PROCA1: variants seen among roughly 807,000 people sequenced by gnomAD.
PROCA1 encodes the protein protein interacting with cyclin A1.
PROCA1 carries 22 observed loss-of-function variants against 23.2 expected under a neutral mutation model. The ratio of observed to expected loss-of-function variants is 0.95; its 90% confidence interval spans 0.68 to 1.35. The LOEUF (loss-of-function observed/expected upper bound fraction) is 1.35, where lower values mean the gene tolerates loss of function less well. Among genes scored for constraint, PROCA1 ranks in the 40% most tolerant of loss-of-function variants. The probability of loss-of-function intolerance (pLI) is 0.00; values close to 1 mark genes in which losing one functional copy is unlikely to be tolerated. For synonymous variants in PROCA1, 182 were observed against 179.2 expected, an observed-to-expected ratio of 1.02 and a Z score of -0.12; for missense variants, 469 against 459.8, an observed-to-expected ratio of 1.02 and a Z score of -0.18.
chr17:28,706,692 T>C lies in PROCA1; in HGVS notation c.163A>G (p.Thr55Ala), dbSNP rs1486348966. The C allele has an allele frequency of 7.7e-7, 1 of 1,303,440 alleles. No homozygotes were observed. The highest frequency in any genetic ancestry group is 1.2e-5 in the South Asian group (1 of 80,978). 80.7% of individuals were successfully genotyped at this position (1,303,440 alleles called of 1,614,324 possible). ...CTCCTGGACCCACCTTCAGAGAAGG[T>C]AGACACATCAGTGCTGGACGCCACA... ...AGVASSTDVS[T>A]FSEGDCKEPD... Residue 55 changes from threonine to alanine, a missense_variant, in exon 2 of 5, where the codon ACC (threonine) becomes GCC (alanine). By Grantham distance (58) the Thr-to-Ala change is moderately conservative. Transcript: ENST00000682792.
intron 1 of PROCA1, 35 bp downstream of exon 1, chr17:28,711,535 C>G (rs375178892): frequency 6.5e-7 from 1 of 1,547,550 alleles, no homozygotes; most frequent in Admixed American, 1.9e-5. Context: ...AGCCGGGCCG[C>G]GCCCTCTGCC....
At chr17:28,709,356 C>T (rs1004675724) in intron 1 of PROCA1, among the ~76,000 whole-genome samples, 7 of 151,842 alleles carry the variant, frequency 4.6e-5, no homozygotes, top group African/African-American at 1.5e-4. Flanking sequence ...CCCGGGTTCA[C>T]GCCATTCTCC....
Position 28,711,622 on chromosome 17 carries a change from A to G in PROCA1, c.39T>C (p.Thr13=). 4 of 1,611,730 alleles carry G rather than the reference A, an allele frequency of 2.5e-6. No individual in the cohort carries two copies. Among genetic ancestry groups the G allele is most frequent in the East Asian group, 2.2e-5 (1 of 44,514 alleles). The stretch of plus-strand genomic sequence containing the variant: ...GGGCCTTGGGCTCGGTCTTTTCCTT[A>G]GTCCATCTTTCAATTGTGAGCGTCG... ...VRTTLTIERW[T]KEKTEPKARS... Residue 13 remains threonine, a synonymous_variant, in exon 1 of 5, where the codon ACT becomes ACC. Transcript: ENST00000682792.
At chr17:28,711,401 G>C (rs1255874615) in intron 1 of PROCA1, 169 bp downstream of exon 1, 1 of 484,850 alleles carries the variant, frequency 2.1e-6, no homozygotes. Context: ...GCCCGCCCCC[G>C]GCCCTAGCTC....
In PROCA1 at chr17:28,711,680, C is replaced by A. The variant is rs375550528; in HGVS notation, c.-20G>T. 6.8e-6 allele frequency: 11 copies of A among 1,608,632 alleles called. No individual in the cohort carries two copies. The highest frequency in any genetic ancestry group is 9.3e-6 in the Non-Finnish European group (11 of 1,176,914). On this transcript the variant is annotated 5_prime_UTR_variant, in exon 1 of 5. Transcript: ENST00000682792. Reference sequence around the variant, plus strand: ...CCACATCGCTCTCCGCCCAGGTCTTCGTCTCTACAGGACTCTTGCGTGAAG... The same window carrying A: ...CCACATCGCTCTCCGCCCAGGTCTTAGTCTCTACAGGACTCTTGCGTGAAG...
intron 1 of PROCA1, among the ~76,000 whole-genome samples, chr17:28,708,845 A>G (rs893505846): frequency 2.6e-5 from 4 of 151,966 alleles, no homozygotes; most frequent in Non-Finnish European, 2.9e-5. Flanking sequence ...AAAATACAAA[A>G]ATTAGCTGGC....
Position 28,708,464 on chromosome 17 carries a change from T to C in PROCA1, c.92-1701A>G, listed in dbSNP as rs77205869. ...TGTTTTGTTGTATGCCTTAAATTGGTGATTACAAGAGTTCTGACTTGGTCA... is the reference window on the plus strand; with the variant it reads ...TGTTTTGTTGTATGCCTTAAATTGGCGATTACAAGAGTTCTGACTTGGTCA... On this transcript the variant is annotated intron_variant, in intron 1 of 4. Transcript: ENST00000682792. Among the ~76,000 whole-genome samples the C allele has an allele frequency of 8.2e-3, 1,251 of 152,324 alleles. 9 individuals are homozygous for C. The highest frequency in any genetic ancestry group is 0.02 in the Middle Eastern group (6 of 294).
intron 4 of PROCA1, 22 bp from the exon 5 acceptor site, chr17:28,704,234 G>T (rs767264334): frequency 2.6e-6 from 4 of 1,558,400 alleles, no homozygotes; most frequent in Non-Finnish European, 3.5e-6. Flanking sequence ...GACAACGGGG[G>T]AAGTTTGACA....
In PROCA1 at chr17:28,703,358, G is replaced by C; in HGVS notation, c.*200C>G. ...TTGTCCTAGCAGGTAGGAAGAAATA[G>C]GGCTGTGCCCCTTCCTTTCCCTCCC... On this transcript the variant is annotated 3_prime_UTR_variant, in exon 5 of 5. Transcript: ENST00000682792. 3.3e-6 allele frequency: 2 copies of C among 605,666 alleles called. No individual in the cohort carries two copies. Among genetic ancestry groups the C allele is most frequent in the Non-Finnish European group, 5.8e-6 (2 of 345,548 alleles). 37.5% of individuals were successfully genotyped at this position (605,666 alleles called of 1,614,324 possible). A position where few individuals can be genotyped will look rare whatever the true frequency, so the allele number is the denominator to read the frequency against.
In PROCA1 at chr17:28,703,808, C is replaced by A. The variant is rs200021121; in HGVS notation, c.845G>T (p.Arg282Leu). The A allele has an allele frequency of 1.2e-6, 2 of 1,614,050 alleles. No individual in the cohort carries two copies. Among genetic ancestry groups the A allele is most frequent in the African/African-American group, 1.3e-5 (1 of 74,912 alleles). The stretch of plus-strand genomic sequence containing the variant: ...GGCCAGCTGTCTTGCGCTTAATGAT[C>A]GGCTCACGTCTGGCGGGGAAGGCTC... ...KLEPSPPDVS[R>L]SLSARQLARM... Residue 282 changes from arginine (R) to leucine (L), a missense_variant, in exon 5 of 5, where the codon CGA (arginine) becomes CTA (leucine). Transcript: ENST00000682792.
At chr17:28,707,973 TTA>T (rs2032598806) in intron 1 of PROCA1, 1 of 152,348 alleles carries the variant, frequency 6.6e-6, no homozygotes. Context: ...AGTGGGCTTC[TTA>T]TCTCATTTGA....
At chr17:28,710,908 C>T (rs1359601393) in intron 1 of PROCA1, 4 of 1,295,782 alleles carry the variant, frequency 3.1e-6, no homozygotes, top group Non-Finnish European at 4.1e-6. Context: ...CCCCGTCCTG[C>T]GGGGCCGAGG....
chr17:28,708,135 G>A (rs1036163382), intron 1 of PROCA1, among the ~76,000 whole-genome samples: 1 of 152,122 alleles, frequency 6.6e-6, no homozygotes, highest in Non-Finnish European at 1.5e-5. Flanking sequence ...TCAGCCTCCT[G>A]AGTAGCTGGG....
In PROCA1 at chr17:28,704,796, TGC is replaced by T. The variant is rs773211827; in HGVS notation, c.221_222del (p.Cys74TyrfsTer11). ...GCGAAAGGGTAGATGATGTGCCCAG[TGC>T]ACTGCTTGTGTCTCCAGCAGCACTT... ...PDKCCWRHKQ[C>X]TGHIIYPFAS... On this transcript the variant is annotated frameshift_variant, in exon 3 of 5. Transcript: ENST00000682792. LOFTEE classifies it high-confidence loss of function. 8 of 1,613,710 alleles carry T rather than the reference TGC, an allele frequency of 5.0e-6. No individual in the cohort carries two copies. The East Asian group carries it at 1.6e-4, about 31-fold the overall frequency.
intron 1 of PROCA1, chr17:28,711,232 G>A: frequency 9.9e-7 from 1 of 1,007,930 alleles, no homozygotes; most frequent in Non-Finnish European, 1.3e-6. Context: ...TCCAGCCAAG[G>A]CCGGCGCTTC....
At chr17:28,710,749 G>A (rs2032739954) in intron 1 of PROCA1, 1 of 1,294,848 alleles carries the variant, frequency 7.7e-7, no homozygotes, top group Admixed American at 2.3e-5. Context: ...TCCTGCAGCA[G>A]GAGTGACTGA....
intron 1 of PROCA1, among the ~76,000 whole-genome samples, chr17:28,708,938 G>C (rs1326884054): frequency 1.3e-5 from 2 of 152,050 alleles, no homozygotes; most frequent in East Asian, 3.9e-4. Context: ...CGAGGCCGCA[G>C]TGAGCCGTGA....
At chr17:28,711,165 G>T in intron 1 of PROCA1, 1 of 1,175,928 alleles carries the variant, frequency 8.5e-7, no homozygotes, top group Non-Finnish European at 1.1e-6. Flanking sequence ...CCACCCTCAG[G>T]GTCGATGGAA....
chr17:28,705,849 C>T (rs1028912470), intron 2 of PROCA1: 1 of 152,418 alleles, frequency 6.6e-6, no homozygotes, highest in African/African-American at 2.4e-5. Flanking sequence ...TTCCCCAGCA[C>T]TCCTAGGGGA....
Sources: allele counts gnomAD v4.1 joint callset (sites outside exome capture counted in the v4.1 genomes callset), GRCh38; gene constraint gnomAD v4.1.1; transcripts MANE v1.5; gene names NCBI Gene and HGNC (gene_info 2026-07-23, HGNC 2026-07-21).